SH3RF3: variants seen among roughly 807,000 people sequenced by gnomAD.
SH3RF3 encodes the protein E3 ubiquitin-protein ligase SH3RF3.
SH3RF3 carries 29 observed loss-of-function variants against 66.3 expected under a neutral mutation model. The observed-to-expected ratio is 0.44, with a 90% CI of 0.33 to 0.60. The LOEUF is 0.60. Ranked by LOEUF, SH3RF3 falls within the 20% of genes least tolerant of loss-of-function variation. SH3RF3 has a pLI of 0.04. For synonymous variants in SH3RF3, 583 were observed against 532.0 expected, an observed-to-expected ratio of 1.10 and a Z score of -1.32; for missense variants, 1,194 against 1,190.9, an observed-to-expected ratio of 1.00 and a Z score of -0.04.
At chr2:109,456,457 A>C (rs1483713556) in intron 8 of SH3RF3, among the ~76,000 whole-genome samples, 1 of 152,238 alleles carries the variant, frequency 6.6e-6, no homozygotes, top group Non-Finnish European at 1.5e-5. Flanking sequence ...GCATCGCTTC[A>C]CTGGTGACAG....
intron 8 of SH3RF3, among the ~76,000 whole-genome samples, chr2:109,471,161 C>T (rs774773136): frequency 5.1e-5 from 7 of 136,852 alleles, no homozygotes; most frequent in Non-Finnish European, 9.0e-5. Context: ...TGCAATGAGC[C>T]GAGATCGTGC....
chr2:109,346,844 A>G (rs1397261312), intron 1 of SH3RF3, among the ~76,000 whole-genome samples: 2 of 152,180 alleles, frequency 1.3e-5, no homozygotes, highest in Non-Finnish European at 2.9e-5. Flanking sequence ...TGTTAGGAGG[A>G]TACAGTCTTA....
At chr2:109,245,985 C>T (rs544621345) in intron 1 of SH3RF3, among the ~76,000 whole-genome samples, 279 of 152,290 alleles carry the variant, frequency 1.8e-3, no homozygotes, top group African/African-American at 6.1e-3. Flanking sequence ...GGCTTATTCA[C>T]AAAAAACCAG....
chr2:109,351,208 T>A (rs1682830686), intron 2 of SH3RF3, among the ~76,000 whole-genome samples: 1 of 152,214 alleles, frequency 6.6e-6, no homozygotes, highest in Non-Finnish European at 1.5e-5. Flanking sequence ...AGCTGGTTTC[T>A]GAGGAGCCTC....
intron 1 of SH3RF3, among the ~76,000 whole-genome samples, chr2:109,152,478 T>C (rs1214733258): frequency 6.6e-6 from 1 of 152,242 alleles, no homozygotes; most frequent in African/African-American, 2.4e-5. Context: ...CTGATGGGCC[T>C]ACAGTGGCAT....
chr2:109,186,044 T>C (rs1209718876), intron 1 of SH3RF3, among the ~76,000 whole-genome samples: 1 of 152,236 alleles, frequency 6.6e-6, no homozygotes, highest in Non-Finnish European at 1.5e-5. Context: ...GGATCCTGTT[T>C]TGTATTTAAC....
intron 1 of SH3RF3, among the ~76,000 whole-genome samples, chr2:109,223,002 G>A (rs1206442705): frequency 6.6e-6 from 1 of 152,232 alleles, no homozygotes; most frequent in African/African-American, 2.4e-5. Flanking sequence ...GCACCCTTCA[G>A]GGTGAAGAGG....
intron 8 of SH3RF3, among the ~76,000 whole-genome samples, chr2:109,480,083 TCTC>T (rs1678795914): frequency 1.3e-5 from 2 of 152,148 alleles, no homozygotes; most frequent in East Asian, 3.9e-4. Flanking sequence ...TCCTGGCACT[TCTC>T]CTTTAGCTGA....
At chr2:109,397,520 C>T (rs1224024267) in intron 3 of SH3RF3, among the ~76,000 whole-genome samples, 1 of 152,158 alleles carries the variant, frequency 6.6e-6, no homozygotes, top group Non-Finnish European at 1.5e-5. Flanking sequence ...TAGGCTGAGC[C>T]AAGTACAGCC....
intron 6 of SH3RF3, 150 bp from the exon 7 acceptor site, chr2:109,436,743 G>A (rs1274769687): frequency 3.2e-6 from 4 of 1,256,870 alleles, no homozygotes; most frequent in Middle Eastern, 5.3e-4. Context: ...CTTCTGCCCA[G>A]TGACGGGCAT....
At chr2:109,308,134 A>T (rs1451811979) in intron 1 of SH3RF3, among the ~76,000 whole-genome samples, 1 of 142,848 alleles carries the variant, frequency 7.0e-6, no homozygotes, top group Non-Finnish European at 1.5e-5. Context: ...GTGAGATGGT[A>T]TCTCATTGTG....
intron 8 of SH3RF3, among the ~76,000 whole-genome samples, chr2:109,483,412 C>T (rs923934920): frequency 5.3e-5 from 8 of 152,214 alleles, no homozygotes; most frequent in Admixed American, 2.6e-4. Flanking sequence ...CCCACTGGAG[C>T]GTATGCTCTC....
intron 2 of SH3RF3, among the ~76,000 whole-genome samples, chr2:109,348,536 G>A (rs1682767912): frequency 6.6e-6 from 1 of 152,238 alleles, no homozygotes; most frequent in African/African-American, 2.4e-5. Context: ...TGGGTGAGGT[G>A]CAGAAGAGAC....
chr2:109,279,585 G>A (rs562270509), intron 1 of SH3RF3, among the ~76,000 whole-genome samples: 28 of 152,302 alleles, frequency 1.8e-4, no homozygotes, highest in African/African-American at 6.7e-4. Flanking sequence ...CCTAGTGGGT[G>A]GGATTTCAAG....
At chr2:109,273,118 A>G (rs747673815) in intron 1 of SH3RF3, among the ~76,000 whole-genome samples, 4 of 152,266 alleles carry the variant, frequency 2.6e-5, no homozygotes, top group Admixed American at 6.5e-5. Context: ...CTTGATGACC[A>G]TCTGGATGAT....
chr2:109,473,620 C>T (rs1437923233), intron 8 of SH3RF3, among the ~76,000 whole-genome samples: 1 of 152,136 alleles, frequency 6.6e-6, no homozygotes, highest in East Asian at 1.9e-4. Context: ...AAAGCACAAA[C>T]AAGGTTCAAG....
At chr2:109,297,127 A>G (rs1429446719) in intron 1 of SH3RF3, among the ~76,000 whole-genome samples, 3 of 151,960 alleles carry the variant, frequency 2.0e-5, no homozygotes, top group African/African-American at 7.3e-5. Context: ...ACAGAGAGTA[A>G]GAAAGCTGTG....
In SH3RF3 at chr2:109,503,277, G is replaced by T. The variant is rs1679443519; in HGVS notation, c.*1606G>T. ...AGAAACTAGCCTTTGGTAACATAGG[G>T]TGTCATTGGTTTTCAGGGATGTAAC... On this transcript the variant is annotated 3_prime_UTR_variant, in exon 10 of 10. Coordinates refer to ENST00000309415, the MANE Select transcript of SH3RF3 (RefSeq NM_001099289.3). The T allele has an allele frequency of 6.6e-6, 1 of 152,140 alleles. No homozygotes were observed. Among genetic ancestry groups the T allele is most frequent in the Non-Finnish European group, 1.5e-5 (1 of 68,028 alleles). 9.4% of individuals were successfully genotyped at this position (152,140 alleles called of 1,614,324 possible).
chr2:109,355,359 A>G (rs1402894010), intron 2 of SH3RF3, among the ~76,000 whole-genome samples: 2 of 152,190 alleles, frequency 1.3e-5, no homozygotes. Context: ...GGTTTGGTTT[A>G]GTTCACTCAT....
Sources: gnomAD v4.1 joint callset for allele counts (sites outside exome capture counted in the v4.1 genomes callset) on GRCh38, gnomAD v4.1.1 for gene constraint, MANE v1.5 for transcripts, NCBI Gene and HGNC (gene_info 2026-07-23, HGNC 2026-07-21) for gene names.